The following HMG20A variants were observed in gnomAD, a reference collection of about 807,000 sequenced individuals.
HMG20A encodes the protein high mobility group protein 20A.
A neutral mutation model predicts 43.9 loss-of-function variants in HMG20A; 17 were observed. The observed-to-expected ratio is 0.39, with a 90% confidence interval of 0.27 to 0.58. The LOEUF is 0.58. Among genes scored for constraint, HMG20A ranks in the 20% least tolerant of loss-of-function variants. The pLI, the probability that HMG20A is intolerant of heterozygous loss-of-function variation, is 0.59. For synonymous variants in HMG20A, 132 were observed against 147.5 expected (o/e 0.89, Z 0.76); for missense variants, 341 against 438.2 (o/e 0.78, Z 1.98).
At chr15:77,474,827 CTT>C (rs1044309785) in intron 6 of HMG20A, among the ~76,000 whole-genome samples, 4 of 152,146 alleles carry the variant, frequency 2.6e-5, no homozygotes, top group African/African-American at 7.2e-5. Context: ...ATATCACACT[CTT>C]TGAAATTCTG....
At chr15:77,452,668 G>A (rs1348491740) in intron 1 of HMG20A, among the ~76,000 whole-genome samples, 1 of 151,898 alleles carries the variant, frequency 6.6e-6, no homozygotes, top group Non-Finnish European at 1.5e-5. Flanking sequence ...ACACATAAGG[G>A]TAAATCTTCA....
intron 1 of HMG20A, among the ~76,000 whole-genome samples, chr15:77,432,512 AGG>A (rs2142277584): frequency 6.6e-6 from 1 of 152,260 alleles, no homozygotes; most frequent in South Asian, 2.1e-4. Context: ...ACCTGAGGTC[AGG>A]AGTTTGAGAC....
chr15:77,497,192 C>G, the HMG20A span, among the ~76,000 whole-genome samples: 1 of 152,212 alleles, frequency 6.6e-6, no homozygotes, highest in Non-Finnish European at 1.5e-5. Flanking sequence ...TTTCGTGGCT[C>G]TAAATGAGCC....
chr15:77,498,514 A>G, the HMG20A span, among the ~76,000 whole-genome samples: 5 of 152,140 alleles, frequency 3.3e-5, no homozygotes, highest in Non-Finnish European at 5.9e-5. Flanking sequence ...TGCAGTCCCC[A>G]GGCACCTCTG....
intron 1 of HMG20A, among the ~76,000 whole-genome samples, chr15:77,430,742 G>T (rs2073476064): frequency 6.6e-6 from 1 of 152,164 alleles, no homozygotes; most frequent in South Asian, 2.1e-4. Context: ...TCCCCTCACA[G>T]TGTTTGCTAG....
At chr15:77,498,017 G>A in the HMG20A span, among the ~76,000 whole-genome samples, 1 of 151,914 alleles carries the variant, frequency 6.6e-6, no homozygotes, top group Admixed American at 6.6e-5. Context: ...TATCTAGGTG[G>A]GAAATAGGAA....
the HMG20A span, among the ~76,000 whole-genome samples, chr15:77,493,835 A>T: frequency 1.3e-5 from 2 of 152,342 alleles, no homozygotes; most frequent in South Asian, 4.1e-4. Context: ...AGAGGAGCAG[A>T]CTGGGGCAGG....
intron 8 of HMG20A, 64 bp downstream of exon 8, chr15:77,478,574 T>G (rs2072878666): frequency 7.7e-7 from 1 of 1,295,136 alleles, no homozygotes; most frequent in African/African-American, 1.4e-5. Flanking sequence ...AGTGGGGTGC[T>G]GTTTATGTTA....
chr15:77,515,175 G>C, the HMG20A span, among the ~76,000 whole-genome samples: 5 of 152,166 alleles, frequency 3.3e-5, no homozygotes, highest in African/African-American at 1.2e-4. Context: ...GCCTGCCCTA[G>C]GGGCAAGACG....
intron 9 of HMG20A, chr15:77,482,373 TGGAGCTAGGA>T (rs1424706516): frequency 6.6e-6 from 1 of 152,104 alleles, no homozygotes; most frequent in Non-Finnish European, 1.5e-5. Flanking sequence ...TAGAGACAAG[TGGAGCTAGGA>T]GGAGGCCATG....
At chr15:77,434,665 A>ATAC (rs1418273980) in intron 1 of HMG20A, among the ~76,000 whole-genome samples, 4 of 152,214 alleles carry the variant, frequency 2.6e-5, no homozygotes, top group Non-Finnish European at 5.9e-5. Flanking sequence ...CCACAGTGAG[A>ATAC]TACTTGGGAC....
chr15:77,497,133 T>G, the HMG20A span, among the ~76,000 whole-genome samples: 1 of 152,360 alleles, frequency 6.6e-6, no homozygotes, highest in East Asian at 1.9e-4. Flanking sequence ...GTTCAAATGA[T>G]GAACCTGCAA....
chr15:77,461,820 G>T (rs1157635693), intron 2 of HMG20A, among the ~76,000 whole-genome samples: 2 of 152,064 alleles, frequency 1.3e-5, no homozygotes, highest in African/African-American at 4.8e-5. Context: ...AAAATTGATG[G>T]CACAGTTGAA....
chr15:77,448,680 C>T (rs977858692), intron 1 of HMG20A, among the ~76,000 whole-genome samples: 4 of 152,110 alleles, frequency 2.6e-5, no homozygotes, highest in Non-Finnish European at 5.9e-5. Flanking sequence ...TTGGTCATTG[C>T]TGTATTCCCA....
At chr15:77,480,282 G>A (rs1272766049) in intron 9 of HMG20A, among the ~76,000 whole-genome samples, 2 of 151,736 alleles carry the variant, frequency 1.3e-5, no homozygotes, top group African/African-American at 4.8e-5. Context: ...GGGTGACAGA[G>A]CAAGACACTG....
chr15:77,481,301 A>C (rs1235815627), intron 9 of HMG20A, among the ~76,000 whole-genome samples: 1 of 152,214 alleles, frequency 6.6e-6, no homozygotes, highest in Non-Finnish European at 1.5e-5. Context: ...TGCAGAATAA[A>C]GAAGTGGCAT....
chr15:77,498,126 G>C, the HMG20A span, among the ~76,000 whole-genome samples: 2 of 152,118 alleles, frequency 1.3e-5, no homozygotes, highest in African/African-American at 4.8e-5. Flanking sequence ...CGTGGGCCAG[G>C]GATACATGTG....
chr15:77,458,240 T>C lies in HMG20A; in HGVS notation c.-4-164T>C, dbSNP rs1039746416. The C allele has an allele frequency of 1.3e-5, 7 of 528,020 alleles. No homozygotes were observed. The Admixed American group carries it at 2.3e-4, about 17-fold the overall frequency. 32.7% of individuals were successfully genotyped at this position (528,020 alleles called of 1,614,324 possible). On this transcript the variant is annotated intron_variant, in intron 1 of 9. Coordinates refer to ENST00000336216, the MANE Select transcript of HMG20A (RefSeq NM_001304504.2). ...CCAAGGTTAAAAGGCCCATTTACCA[T>C]ACAGTTTAAATTGATGTGTCCAAGT...
At chr15:77,509,295 G>A in the HMG20A span, among the ~76,000 whole-genome samples, 10 of 151,506 alleles carry the variant, frequency 6.6e-5, no homozygotes, top group Non-Finnish European at 1.3e-4. Context: ...GTCTCGCTCC[G>A]TCACTCAGGC....
Sources: allele counts gnomAD v4.1 joint callset (sites outside exome capture counted in the v4.1 genomes callset), GRCh38; gene constraint gnomAD v4.1.1; transcripts MANE v1.5; gene names NCBI Gene and HGNC (gene_info 2026-07-23, HGNC 2026-07-21).